The following CSRNP3 variants were observed in gnomAD, a reference collection of about 807,000 sequenced individuals.
CSRNP3 encodes the protein cysteine/serine-rich nuclear protein 3.
Under a neutral mutation model 48.0 loss-of-function variants are expected in CSRNP3, and 12 were observed. The ratio of observed to expected loss-of-function variants is 0.25; its 90% CI spans 0.16 to 0.41. CSRNP3 has a LOEUF of 0.41. Ranked by LOEUF, CSRNP3 falls within the 10% of genes least tolerant of loss-of-function variation. CSRNP3 has a pLI of 1.00. For missense variants in CSRNP3, 580 were observed against 724.4 expected (o/e 0.80, Z 2.29); for synonymous variants, 263 against 269.7 (o/e 0.98, Z 0.24).
At chr2:165,504,659 C>A (rs1684400429) in intron 2 of CSRNP3, among the ~76,000 whole-genome samples, 1 of 151,892 alleles carries the variant, frequency 6.6e-6, no homozygotes, top group South Asian at 2.1e-4. Flanking sequence ...ATGACGGTAC[C>A]ACTGGAAGTG....
intron 5 of CSRNP3, 21 bp from the exon 6 acceptor site, chr2:165,676,291 T>C: frequency 6.2e-7 from 1 of 1,606,594 alleles, no homozygotes; most frequent in Non-Finnish European, 8.5e-7. Flanking sequence ...GAGTCTCTTA[T>C]TTGCTGCTTT....
At chr2:165,509,968 C>T (rs927006456) in intron 2 of CSRNP3, among the ~76,000 whole-genome samples, 2 of 152,090 alleles carry the variant, frequency 1.3e-5, no homozygotes, top group African/African-American at 4.8e-5. Context: ...GTTCCTCAAT[C>T]TTAGTTTTCT....
intron 4 of CSRNP3, among the ~76,000 whole-genome samples, chr2:165,615,594 T>C (rs193042957): frequency 6.6e-6 from 1 of 151,968 alleles, no homozygotes; most frequent in African/African-American, 2.4e-5. Context: ...GCTGAATCAA[T>C]CCCTTAATTA....
intron 4 of CSRNP3, among the ~76,000 whole-genome samples, chr2:165,596,372 A>C (rs1324697456): frequency 6.6e-6 from 1 of 152,132 alleles, no homozygotes; most frequent in Non-Finnish European, 1.5e-5. Flanking sequence ...CTTTCCAATT[A>C]GTTAATGTTA....
At chr2:165,509,445 TG>T (rs1684470952) in intron 2 of CSRNP3, among the ~76,000 whole-genome samples, 1 of 152,032 alleles carries the variant, frequency 6.6e-6, no homozygotes, top group East Asian at 1.9e-4. Flanking sequence ...GTGAAAGATG[TG>T]GGGACTTGGC....
chr2:165,658,124 C>G, intron 5 of CSRNP3, 104 bp downstream of exon 5: 1 of 1,254,048 alleles, frequency 8.0e-7, no homozygotes, highest in Non-Finnish European at 1.1e-6. Flanking sequence ...GGGCACTTTA[C>G]ATAACAGACT....
chr2:165,478,083 A>G (rs1330919052), intron 1 of CSRNP3, among the ~76,000 whole-genome samples: 1 of 152,166 alleles, frequency 6.6e-6, no homozygotes, highest in Non-Finnish European at 1.5e-5. Context: ...GTTAAAAAAA[A>G]GGACATTATT....
intron 4 of CSRNP3, among the ~76,000 whole-genome samples, chr2:165,607,592 A>G (rs991207438): frequency 5.3e-5 from 8 of 152,188 alleles, no homozygotes; most frequent in African/African-American, 1.9e-4. Context: ...TATGTTCCAC[A>G]TAACATTCTT....
chr2:165,537,558 A>G (rs1157235265), intron 3 of CSRNP3, among the ~76,000 whole-genome samples: 2 of 151,534 alleles, frequency 1.3e-5, no homozygotes, highest in Non-Finnish European at 3.0e-5. Context: ...AATTATTATT[A>G]CCTTTACATT....
At chr2:165,640,291 A>C (rs935351580) in intron 4 of CSRNP3, among the ~76,000 whole-genome samples, 1 of 152,232 alleles carries the variant, frequency 6.6e-6, no homozygotes, top group Non-Finnish European at 1.5e-5. Context: ...CTATTTATAC[A>C]TGAGGTGAGC....
intron 4 of CSRNP3, among the ~76,000 whole-genome samples, chr2:165,655,821 A>G (rs1686994978): frequency 2.0e-5 from 3 of 152,086 alleles, no homozygotes. Context: ...TCTTCACATC[A>G]TCTTCCCTCT....
Position 165,481,444 on chromosome 2 carries a change from TA to T in CSRNP3, c.-283+11706del, listed in dbSNP as rs565915398. On this transcript the variant is annotated intron_variant, in intron 1 of 6. Transcript: ENST00000651982. ...GGCTTTGACAAGACACAGGATCACTTAACAAGGGAGGCAACGTGCCCTGACA... is the reference window on the plus strand; with the variant it reads ...GGCTTTGACAAGACACAGGATCACTTACAAGGGAGGCAACGTGCCCTGACA... Among the ~76,000 whole-genome samples the T allele has an allele frequency of 2.8e-3, 429 of 151,978 alleles. 1 individual carries two copies. The highest frequency in any genetic ancestry group is 9.9e-3 in the African/African-American group (408 of 41,418).
chr2:165,643,063 G>T (rs562657633), intron 4 of CSRNP3, among the ~76,000 whole-genome samples: 1 of 152,202 alleles, frequency 6.6e-6, no homozygotes, highest in Non-Finnish European at 1.5e-5. Flanking sequence ...ACATAAAACT[G>T]CTAGATGATG....
chr2:165,557,398 T>C (rs1685173383), intron 3 of CSRNP3, among the ~76,000 whole-genome samples: 1 of 152,220 alleles, frequency 6.6e-6, no homozygotes, highest in Non-Finnish European at 1.5e-5. Context: ...AAAGAACTTG[T>C]TGACTCCTGG....
intron 3 of CSRNP3, among the ~76,000 whole-genome samples, chr2:165,571,442 T>C (rs962995546): frequency 6.6e-6 from 1 of 151,838 alleles, no homozygotes; most frequent in Non-Finnish European, 1.5e-5. Context: ...AGAAATAATT[T>C]TATATATTTA....
At chr2:165,674,704 A>G (rs995837159) in intron 5 of CSRNP3, among the ~76,000 whole-genome samples, 2 of 139,168 alleles carry the variant, frequency 1.4e-5, no homozygotes, top group African/African-American at 2.7e-5. Context: ...ATATATATAT[A>G]TATATATATA....
intron 2 of CSRNP3, among the ~76,000 whole-genome samples, chr2:165,498,318 T>G (rs1219277672): frequency 1.3e-5 from 2 of 152,120 alleles, no homozygotes; most frequent in Admixed American, 1.3e-4. Flanking sequence ...GTTAGTTCAT[T>G]TACTTTAAAG....
chr2:165,477,541 T>C (rs10930166), intron 1 of CSRNP3, among the ~76,000 whole-genome samples: 49,847 of 142,318 alleles, frequency 0.35, 8,960 homozygotes, highest in African/African-American at 0.41. Flanking sequence ...TGGTCGTGGG[T>C]ACCTGTAATC....
chr2:165,605,203 C>T (rs191268272), intron 4 of CSRNP3, among the ~76,000 whole-genome samples: 2 of 152,208 alleles, frequency 1.3e-5, no homozygotes, highest in African/African-American at 4.8e-5. Context: ...TCCTGTACTC[C>T]CTTCCTATGC....
Sources: gnomAD v4.1 joint callset for allele counts (sites outside exome capture counted in the v4.1 genomes callset) on GRCh38, gnomAD v4.1.1 for gene constraint, MANE v1.5 for transcripts, NCBI Gene and HGNC (gene_info 2026-07-23, HGNC 2026-07-21) for gene names.